The following NHSL1 variants were observed in gnomAD, a reference collection of about 807,000 sequenced individuals.
The protein encoded by NHSL1 is NHS like 1, also known as NHS-like protein 1.
Under a neutral mutation model 95.0 loss-of-function variants are expected in NHSL1, and 48 were observed. The observed-to-expected ratio is 0.51, with a 90% CI of 0.40 to 0.64. NHSL1 has a LOEUF of 0.64. Among genes scored for constraint, NHSL1 ranks in the 30% least tolerant of loss-of-function variants. The probability of loss-of-function intolerance (pLI) is 0.00; values close to 1 mark genes in which losing one functional copy is unlikely to be tolerated. For missense variants in NHSL1, 1,971 were observed against 2,077.7 expected (o/e 0.95, Z 1.00); for synonymous variants, 783 against 833.9 (o/e 0.94, Z 1.05).
rs1382656754 is a variant in NHSL1, at chr6:138,432,651, G to C, written c.1694C>G (p.Pro565Arg). 6.4e-7 allele frequency: 1 copy of C among 1,551,722 alleles called. No homozygotes were observed. ...AGGAGTTGCTAAATGCGGCTTCAGG[G>C]GGGATGCCCTTCCATTACCTGAGGA... Reference protein sequence around the residue: ...YKSSGNGRASPLKPHLATPGY... With the variant: ...YKSSGNGRASRLKPHLATPGY... The change falls in exon 6 of 8, where the codon CCC (proline) becomes CGC (arginine). Residue 565 changes from proline (P) to arginine (R), a missense_variant. Pro to Arg is a moderately radical substitution (Grantham distance 103). Transcript: ENST00000343505. The surrounding 1 kb of genome is among the most constrained non-coding windows in gnomAD (Gnocchi z 4.4).
chr6:138,590,676 T>C (rs554307903), intron 1 of NHSL1, among the ~76,000 whole-genome samples: 1 of 152,154 alleles, frequency 6.6e-6, no homozygotes, highest in Non-Finnish European at 1.5e-5. Context: ...TCCCTGACCC[T>C]TGAAGCGGCT....
chr6:138,677,357 G>A (rs899148776), intron 1 of NHSL1, among the ~76,000 whole-genome samples: 1 of 151,986 alleles, frequency 6.6e-6, no homozygotes, highest in Non-Finnish European at 1.5e-5. Flanking sequence ...TGATTGTGTC[G>A]AGTCACCTCT....
At chr6:138,640,369 T>C (rs1349453393) in intron 1 of NHSL1, among the ~76,000 whole-genome samples, 1 of 152,172 alleles carries the variant, frequency 6.6e-6, no homozygotes, top group Non-Finnish European at 1.5e-5. Context: ...CCCTAGCATG[T>C]AGTAGACATT....
chr6:138,425,193 C>T (rs556050288), intron 7 of NHSL1, among the ~76,000 whole-genome samples: 3 of 152,310 alleles, frequency 2.0e-5, no homozygotes, highest in Admixed American at 6.5e-5. Context: ...CGGATTCAAG[C>T]GATTCTCCCT....
intron 4 of NHSL1, among the ~76,000 whole-genome samples, chr6:138,442,527 G>A (rs1235479300): frequency 2.6e-5 from 4 of 152,184 alleles, no homozygotes; most frequent in South Asian, 2.1e-4. Flanking sequence ...TGCAGAGATC[G>A]AAATTAATGT....
At chr6:138,460,370 C>G (rs1777911858) in intron 3 of NHSL1, among the ~76,000 whole-genome samples, 1 of 148,494 alleles carries the variant, frequency 6.7e-6, no homozygotes, top group South Asian at 2.1e-4. Context: ...CATCAGCCCT[C>G]TATAACGTGG....
chr6:138,585,143 T>C (rs1784113703), intron 1 of NHSL1, among the ~76,000 whole-genome samples: 1 of 152,178 alleles, frequency 6.6e-6, no homozygotes. Context: ...GTCCTTGAAA[T>C]AGATGTGGCT....
rs1412688978 is a variant in NHSL1 at position 138,431,901 on chromosome 6, T to C, written c.2444A>G (p.His815Arg). The change falls in exon 6 of 8, where the codon CAT becomes CGT. Residue 815 changes from histidine to arginine, a missense_variant. His to Arg is a conservative substitution (Grantham distance 29). Transcript: ENST00000343505. The surrounding 1 kb of genome is among the most constrained non-coding windows in gnomAD (Gnocchi z 4.0). ...GVPTGNGPVRHVQEGSRATMP... is the reference protein window; with the variant it reads ...GVPTGNGPVRRVQEGSRATMP... ...TGTGGCTCTGGACCCTTCTTGGACA[T>C]GGCGGACTGGCCCGTTCCCAGTGGG... 9.0e-6 allele frequency: 14 copies of C among 1,551,602 alleles called. No individual in the cohort carries two copies. The highest frequency in any genetic ancestry group is 1.2e-5 in the South Asian group (1 of 84,064).
intron 1 of NHSL1, among the ~76,000 whole-genome samples, chr6:138,620,796 GT>G (rs999553952): frequency 1.3e-5 from 2 of 152,214 alleles, no homozygotes; most frequent in African/African-American, 4.8e-5. Context: ...GTGTGGCAAT[GT>G]TTACTGAGAC....
At chr6:138,639,989 A>G (rs1784939717) in intron 1 of NHSL1, among the ~76,000 whole-genome samples, 1 of 150,984 alleles carries the variant, frequency 6.6e-6, no homozygotes. Flanking sequence ...TCATCATCGT[A>G]TTGCACAGAC....
chr6:138,663,598 G>T (rs181935905), intron 1 of NHSL1, among the ~76,000 whole-genome samples: 1 of 150,818 alleles, frequency 6.6e-6, no homozygotes, highest in African/African-American at 2.4e-5. Context: ...GGCCGGGCAC[G>T]GTGGCTCACG....
At chr6:138,687,609 CCCT>C (rs1376679456) in intron 1 of NHSL1, among the ~76,000 whole-genome samples, 23 of 152,142 alleles carry the variant, frequency 1.5e-4, no homozygotes. Context: ...ACCTGGCCTT[CCCT>C]CCTATCTCAC....
chr6:138,665,657 CCT>C (rs1785284521), intron 1 of NHSL1, among the ~76,000 whole-genome samples: 1 of 152,154 alleles, frequency 6.6e-6, no homozygotes, highest in Admixed American at 6.5e-5. Flanking sequence ...ATACTAATTC[CCT>C]TTTTTCCATT....
chr6:138,573,513 A>C (rs1014755717), upstream of NHSL1, among the ~76,000 whole-genome samples: 27 of 152,208 alleles, frequency 1.8e-4, no homozygotes, highest in African/African-American at 6.5e-4. Context: ...CATCTACTCC[A>C]ATTCACTGAG....
intron 1 of NHSL1, among the ~76,000 whole-genome samples, chr6:138,592,574 C>G (rs1583438534): frequency 6.6e-6 from 1 of 152,014 alleles, no homozygotes; most frequent in African/African-American, 2.4e-5. Context: ...TGCACTCCAG[C>G]TTGGGCGACA....
intron 1 of NHSL1, chr6:138,650,938 G>T (rs910818985): frequency 1.9e-6 from 1 of 536,118 alleles, no homozygotes; most frequent in African/African-American, 1.9e-5. Flanking sequence ...CATAGGTGAA[G>T]AAGCTTGGCA....
At chr6:138,559,865 A>G (rs764561140) in intron 1 of NHSL1, among the ~76,000 whole-genome samples, 5 of 152,344 alleles carry the variant, frequency 3.3e-5, no homozygotes, top group Non-Finnish European at 7.3e-5. Flanking sequence ...CCACAAAGCT[A>G]TTCCATGTAC....
At chr6:138,438,092 C>T (rs1160048690) in intron 5 of NHSL1, among the ~76,000 whole-genome samples, 1 of 152,114 alleles carries the variant, frequency 6.6e-6, no homozygotes, top group Non-Finnish European at 1.5e-5. Flanking sequence ...GTTCTACTGT[C>T]GGTAAAATGT....
At chr6:138,574,768 C>T (rs1026531380), upstream of NHSL1, among the ~76,000 whole-genome samples, 1 of 152,012 alleles carries the variant, frequency 6.6e-6, no homozygotes, top group Non-Finnish European at 1.5e-5. Context: ...GGGAGGATCG[C>T]TTGAGCCCAG....
Sources: gnomAD v4.1 joint callset for allele counts (sites outside exome capture counted in the v4.1 genomes callset) on GRCh38, gnomAD v4.1.1 for gene constraint, Gnocchi (gnomAD v3.1) non-coding constraint, MANE v1.5 for transcripts, NCBI Gene and HGNC (gene_info 2026-07-23, HGNC 2026-07-21) for gene names.